The following UNC13C variants were observed in gnomAD, a reference collection of about 807,000 sequenced individuals.
The protein encoded by UNC13C is protein unc-13 homolog C.
In UNC13C, 174 loss-of-function variants were observed where a neutral mutation model predicts 245.4. The ratio of observed to expected loss-of-function variants is 0.71; its 90% CI spans 0.63 to 0.80. UNC13C has a LOEUF of 0.80. Among genes scored for constraint, UNC13C ranks in the 30% least tolerant of loss-of-function variants. The probability of loss-of-function intolerance (pLI) is 0.00; values close to 1 mark genes in which losing one functional copy is unlikely to be tolerated. For missense variants in UNC13C, 2,829 were observed against 2,602.9 expected, an observed-to-expected ratio of 1.09 and a Z score of -1.89; for synonymous variants, 992 against 895.1, an observed-to-expected ratio of 1.11 and a Z score of -1.93.
the UNC13C span, among the ~76,000 whole-genome samples, chr15:53,843,016 A>C: frequency 6.6e-6 from 1 of 151,872 alleles, no homozygotes; most frequent in African/African-American, 2.4e-5. Flanking sequence ...TTTTACTCAC[A>C]ACTAGAATGG....
chr15:54,326,990 C>T lies in UNC13C; in HGVS notation c.4425+4895C>T, dbSNP rs144523907. Among the ~76,000 whole-genome samples, 192 of 151,988 alleles carry T rather than the reference C, an allele frequency of 1.3e-3. 1 individual carries two copies. Among genetic ancestry groups the T allele is most frequent in the African/African-American group, 4.3e-3 (177 of 41,482 alleles). ...TGCTTTCAGAGAGCCACTTTACCAG[C>T]GCATCACTGAGTATAAATGTTATTT... On this transcript the variant is annotated intron_variant, in intron 14 of 32. Coordinates refer to ENST00000260323, the MANE Select transcript of UNC13C (RefSeq NM_001080534.3).
intron 13 of UNC13C, among the ~76,000 whole-genome samples, chr15:54,315,866 G>GTC (rs2037995519): frequency 6.6e-6 from 1 of 151,822 alleles, no homozygotes; most frequent in Admixed American, 6.6e-5. Context: ...TGAATTCTAA[G>GTC]TCCTGACAGT....
At chr15:53,984,878 C>G (rs1894065917) in intron 1 of UNC13C, among the ~76,000 whole-genome samples, 1 of 152,008 alleles carries the variant, frequency 6.6e-6, no homozygotes, top group Non-Finnish European at 1.5e-5. Context: ...CAGCCTATTT[C>G]TGATTAAATC....
the UNC13C span, among the ~76,000 whole-genome samples, chr15:53,868,496 T>C: frequency 6.6e-6 from 1 of 152,080 alleles, no homozygotes; most frequent in African/African-American, 2.4e-5. Context: ...AGGGGTCAGG[T>C]GAGAAGGAGA....
chr15:54,124,091 A>G (rs1031069967), intron 2 of UNC13C, among the ~76,000 whole-genome samples: 6 of 152,168 alleles, frequency 3.9e-5, no homozygotes, highest in African/African-American at 1.4e-4. Context: ...TTGTTTAACT[A>G]TTGATCTGTT....
intron 2 of UNC13C, among the ~76,000 whole-genome samples, chr15:54,101,992 T>G (rs1250259739): frequency 6.6e-6 from 1 of 150,874 alleles, no homozygotes; most frequent in African/African-American, 2.4e-5. Context: ...CTTTGTTCAG[T>G]GCTCTTTGCA....
At chr15:54,494,971 A>G (rs893256630) in intron 20 of UNC13C, among the ~76,000 whole-genome samples, 2 of 152,078 alleles carry the variant, frequency 1.3e-5, no homozygotes, top group African/African-American at 4.8e-5. Flanking sequence ...CAAAAAATGC[A>G]TAATAAGACA....
downstream of UNC13C, chr15:54,629,506 T>C (rs1204554971): frequency 2.0e-5 from 3 of 152,174 alleles, no homozygotes; most frequent in East Asian, 1.9e-4. Context: ...CCACTGTATA[T>C]TGTAATGACG....
intron 2 of UNC13C, among the ~76,000 whole-genome samples, chr15:54,075,400 G>A (rs1396918566): frequency 6.6e-6 from 1 of 151,636 alleles, no homozygotes; most frequent in African/African-American, 2.4e-5. Context: ...CAGGAGAATG[G>A]CGTGAACCTG....
chr15:54,420,520 A>G lies in UNC13C; in HGVS notation c.4933+5453A>G, dbSNP rs2040618635. On this transcript the variant is annotated intron_variant, in intron 19 of 32. Coordinates refer to ENST00000260323, the MANE Select transcript of UNC13C (RefSeq NM_001080534.3). ...AGTGTGGGAGAGAGTATGCGAGGTG[A>G]TGAACTCTAAGAGTCAAGGATACAG... 3.3e-5 allele frequency among the ~76,000 whole-genome samples: 5 copies of G among 152,042 alleles called. No homozygotes were observed. In the South Asian group the frequency reaches 1.0e-3, roughly 32 times the overall value.
At chr15:54,260,131 A>G (rs113915886) in intron 8 of UNC13C, among the ~76,000 whole-genome samples, 64 of 152,274 alleles carry the variant, frequency 4.2e-4, no homozygotes, top group African/African-American at 1.4e-3. Flanking sequence ...CACATTTAAT[A>G]AAATTTGGGC....
the UNC13C span, among the ~76,000 whole-genome samples, chr15:53,919,964 GT>G: frequency 2.7e-4 from 40 of 148,044 alleles, no homozygotes; most frequent in East Asian, 1.6e-3. Flanking sequence ...TCCTATCCAT[GT>G]TTTTTTTTTC....
chr15:53,917,659 C>T, the UNC13C span, among the ~76,000 whole-genome samples: 2 of 152,284 alleles, frequency 1.3e-5, no homozygotes, highest in South Asian at 4.1e-4. Context: ...CTCCTCCTCT[C>T]TTTCCCCACT....
chr15:54,059,076 C>T (rs1365420320), intron 2 of UNC13C, among the ~76,000 whole-genome samples: 1 of 152,084 alleles, frequency 6.6e-6, no homozygotes, highest in Non-Finnish European at 1.5e-5. Context: ...CTCTCTTTAC[C>T]CCTCCTATTC....
At chr15:54,249,802 A>C (rs910000179) in intron 7 of UNC13C, among the ~76,000 whole-genome samples, 2 of 152,330 alleles carry the variant, frequency 1.3e-5, no homozygotes, top group Non-Finnish European at 2.9e-5. Context: ...ATTGAATTAC[A>C]GAAGTATTCC....
intron 1 of UNC13C, among the ~76,000 whole-genome samples, chr15:54,010,966 C>A (rs1895357486): frequency 6.6e-6 from 1 of 152,064 alleles, no homozygotes; most frequent in Non-Finnish European, 1.5e-5. Flanking sequence ...TACTAAGTGG[C>A]TGAAATGTGG....
chr15:54,001,452 T>G (rs184705347), intron 1 of UNC13C, among the ~76,000 whole-genome samples: 1 of 152,196 alleles, frequency 6.6e-6, no homozygotes, highest in Admixed American at 6.5e-5. Context: ...AGTGTGAAAT[T>G]TACTATACCT....
rs760299243 is a variant in UNC13C at position 54,511,786 on chromosome 15, C to T, written c.5413C>T (p.Arg1805Trp). The change falls in exon 24 of 33, where the codon CGG (arginine) becomes TGG (tryptophan). Residue 1805 changes from arginine to tryptophan, a missense_variant. By Grantham distance (101) the Arg-to-Trp change is moderately radical. Coordinates refer to ENST00000260323, the MANE Select transcript of UNC13C (RefSeq NM_001080534.3). The part of the protein sequence containing the change: ...CILMNNIQQL[R>W]VQLEKMFESM... Reference sequence around the variant, plus strand: ...CTTGATGAACAATATTCAACAATTGCGGGTCCAGCTGGAAAAAATGTTTGA... The same window carrying T: ...CTTGATGAACAATATTCAACAATTGTGGGTCCAGCTGGAAAAAATGTTTGA... 7 of 1,609,144 alleles carry T rather than the reference C, an allele frequency of 4.4e-6. No homozygotes were observed. The highest frequency in any genetic ancestry group is 3.3e-5 in the South Asian group (3 of 90,068).
chr15:54,483,395 G>T (rs935892681), intron 19 of UNC13C, among the ~76,000 whole-genome samples: 1 of 141,736 alleles, frequency 7.1e-6, no homozygotes, highest in Admixed American at 7.0e-5. Context: ...AACAAGCTCA[G>T]ACTAAGGTTT....
Sources: allele counts gnomAD v4.1 joint callset (sites outside exome capture counted in the v4.1 genomes callset), GRCh38; gene constraint gnomAD v4.1.1; transcripts MANE v1.5; gene names NCBI Gene and HGNC (gene_info 2026-07-23, HGNC 2026-07-21).